TRIM55: variants seen among roughly 807,000 people sequenced by gnomAD.
TRIM55 encodes the protein tripartite motif containing 55.
In TRIM55, 50 loss-of-function variants were observed where a neutral mutation model predicts 60.9. That is an observed-to-expected ratio of 0.82 (90% CI 0.65 to 1.04). The LOEUF (loss-of-function observed/expected upper bound fraction) is 1.04. Among genes scored for constraint, TRIM55 ranks in the 50% least tolerant of loss-of-function variants. The pLI is 0.00. For missense variants in TRIM55, 681 were observed against 666.9 expected (o/e 1.02, Z -0.23); for synonymous variants, 237 against 238.1 (o/e 1.00, Z 0.04).
intron 2 of TRIM55, among the ~76,000 whole-genome samples, chr8:66,133,653 C>T (rs1156481239): frequency 1.3e-5 from 2 of 152,324 alleles, no homozygotes; most frequent in South Asian, 2.1e-4. Flanking sequence ...AATTTTCTTA[C>T]AAGACCCAGG....
chr8:66,132,629 G>A (rs1809229294), intron 2 of TRIM55, among the ~76,000 whole-genome samples: 1 of 152,144 alleles, frequency 6.6e-6, no homozygotes. Context: ...CCAACATTTA[G>A]CACTGGGCCC....
At chr8:66,155,343 G>A (rs961973303) in intron 9 of TRIM55, among the ~76,000 whole-genome samples, 2 of 152,202 alleles carry the variant, frequency 1.3e-5, no homozygotes, top group Admixed American at 6.5e-5. Flanking sequence ...TATTTTCACA[G>A]ATAAAATGAC....
At chr8:66,142,199 T>G (rs1809856342) in intron 4 of TRIM55, among the ~76,000 whole-genome samples, 1 of 152,230 alleles carries the variant, frequency 6.6e-6, no homozygotes, top group African/African-American at 2.4e-5. Context: ...AGCACACACT[T>G]ATTCTGATGA....
intron 9 of TRIM55, among the ~76,000 whole-genome samples, chr8:66,160,866 GTT>G (rs769044785): frequency 2.3e-5 from 3 of 132,028 alleles, no homozygotes; most frequent in Admixed American, 7.4e-5. Flanking sequence ...TGATGGGATT[GTT>G]TTTTTTTTTT....
intron 4 of TRIM55, among the ~76,000 whole-genome samples, chr8:66,143,555 A>G (rs1809941212): frequency 6.6e-6 from 1 of 151,684 alleles, no homozygotes; most frequent in Admixed American, 6.6e-5. Context: ...TTGCATAGCT[A>G]TATTTTACTG....
chr8:66,149,724 A>C lies in TRIM55; in HGVS notation c.683A>C (p.Glu228Ala). The change falls in exon 5 of 10, where the codon GAA (glutamate) becomes GCA (alanine). Residue 228 changes from glutamate to alanine, a missense_variant. By Grantham distance (107) the Glu-to-Ala change is moderately radical (BLOSUM62 -1). Transcript: ENST00000315962. ...LYGILEERKN[E>A]MTQVITRTQE... Reference sequence around the variant, plus strand: ...GGCATTTTGGAGGAGAGGAAGAATGAAATGACCCAAGTCATTACCCGAACC... The same window carrying C: ...GGCATTTTGGAGGAGAGGAAGAATGCAATGACCCAAGTCATTACCCGAACC... The C allele has an allele frequency of 6.2e-7, 1 of 1,614,136 alleles. No individual in the cohort carries two copies.
At position 66,152,439 on chromosome 8, in the gene TRIM55, G is replaced by A; in HGVS notation, c.1048G>A (p.Gly350Arg). 6.2e-7 allele frequency: 1 copy of A among 1,613,274 alleles called. No homozygotes were observed. Among genetic ancestry groups the A allele is most frequent in the Non-Finnish European group, 8.5e-7 (1 of 1,179,318 alleles). Residue 350 changes from glycine (G) to arginine (R), a missense_variant, in exon 8 of 10, where the codon GGA becomes AGA. Coordinates refer to ENST00000315962, the MANE Select transcript of TRIM55 (RefSeq NM_184085.2). ...AGAAAAAGAAGGAGAAGGAGAAGTG[G>A]GAGGAGAAGCAGTAGAAGTGGAAGA... ...EGEKEGEGEV[G>R]GEAVEVEEVE...
upstream of TRIM55, among the ~76,000 whole-genome samples, chr8:66,122,334 G>T (rs1169986314): frequency 1.3e-5 from 2 of 152,042 alleles, no homozygotes; most frequent in Admixed American, 1.3e-4. Context: ...ATCTACCTAG[G>T]ACCTGGAATC....
chr8:66,150,353 C>T lies in TRIM55; in HGVS notation c.872C>T (p.Ala291Val). Residue 291 changes from alanine to valine, a missense_variant, in exon 7 of 10, where the codon GCA (alanine) becomes GTA (valine). Physicochemically the swap from Ala to Val is moderately conservative, Grantham distance 64. Coordinates refer to ENST00000315962, the MANE Select transcript of TRIM55 (RefSeq NM_184085.2). ...AKTLLKKISE[A>V]SKAFQMEKIE... is the part of the protein sequence containing the mutation. Reference sequence around the variant, plus strand: ...TGTCTTTGTTGCAGAATCTCGGAAGCATCAAAGGCATTTCAGATGGAGAAA... The same window carrying T: ...TGTCTTTGTTGCAGAATCTCGGAAGTATCAAAGGCATTTCAGATGGAGAAA... 6.2e-7 allele frequency: 1 copy of T among 1,614,160 alleles called. No homozygotes were observed. Among genetic ancestry groups the T allele is most frequent in the Non-Finnish European group, 8.5e-7 (1 of 1,180,016 alleles).
chr8:66,142,225 A>G (rs1809857905), intron 4 of TRIM55, among the ~76,000 whole-genome samples: 1 of 152,228 alleles, frequency 6.6e-6, no homozygotes, highest in African/African-American at 2.4e-5. Flanking sequence ...TCCAATAGGA[A>G]CCTCTAGAGA....
chr8:66,125,621 A>G (rs1175889555), upstream of TRIM55, among the ~76,000 whole-genome samples: 5 of 152,356 alleles, frequency 3.3e-5, no homozygotes, highest in East Asian at 9.6e-4. Flanking sequence ...GGCTGGGTGA[A>G]CCAAAGTAAC....
At chr8:66,150,625 A>C (rs1446022163) in intron 7 of TRIM55, among the ~76,000 whole-genome samples, 159 bp downstream of exon 7, 1 of 151,818 alleles carries the variant, frequency 6.6e-6, no homozygotes, top group Admixed American at 6.6e-5. Flanking sequence ...TCATTACAGG[A>C]TCACATCGTT....
chr8:66,172,820 T>C (rs1811716922), intron 9 of TRIM55, among the ~76,000 whole-genome samples: 2 of 152,252 alleles, frequency 1.3e-5, no homozygotes, highest in African/African-American at 4.8e-5. Flanking sequence ...TGGACCTTGA[T>C]GGTCTGTTCA....
At chr8:66,147,309 G>C (rs530761635) in intron 4 of TRIM55, among the ~76,000 whole-genome samples, 5 of 152,284 alleles carry the variant, frequency 3.3e-5, no homozygotes, top group Admixed American at 2.6e-4. Context: ...GGCACCACTG[G>C]ATCTCCATGC....
At chr8:66,141,494 T>G (rs371229666) in intron 4 of TRIM55, among the ~76,000 whole-genome samples, 19 of 152,330 alleles carry the variant, frequency 1.2e-4, no homozygotes, top group Middle Eastern at 3.4e-3. Flanking sequence ...GGGGGCTGCC[T>G]GTAGGAATGG....
At chr8:66,161,551 A>T (rs1473676989) in intron 9 of TRIM55, among the ~76,000 whole-genome samples, 1 of 151,840 alleles carries the variant, frequency 6.6e-6, no homozygotes, top group Non-Finnish European at 1.5e-5. Flanking sequence ...TCTTTTTTCT[A>T]GTTCTATGAA....
chr8:66,172,184 G>T (rs1418576991), intron 9 of TRIM55, among the ~76,000 whole-genome samples: 2 of 152,172 alleles, frequency 1.3e-5, no homozygotes, highest in East Asian at 3.8e-4. Context: ...ACCTTGTAAG[G>T]TAGGTTCTCA....
intron 9 of TRIM55, among the ~76,000 whole-genome samples, chr8:66,159,267 C>T (rs1013516162): frequency 3.9e-5 from 6 of 152,194 alleles, no homozygotes; most frequent in Non-Finnish European, 8.8e-5. Context: ...TCCAAACTGT[C>T]TTGTGAATGA....
rs1811810704 is a variant in TRIM55 at position 66,174,436 on chromosome 8, CT to C, written c.1525-29del. 4 of 1,602,118 alleles carry C rather than the reference CT, an allele frequency of 2.5e-6. No homozygotes were observed. The East Asian group carries it at 9.2e-5, about 37-fold the overall frequency. Reference sequence around the variant, plus strand: ...GGACCAATCCAAAAAGAACAAACCTCTTTTTTCTCTGATTCCCATTTTCTTC... The same window carrying C: ...GGACCAATCCAAAAAGAACAAACCTCTTTTTCTCTGATTCCCATTTTCTTC... On this transcript the variant is annotated intron_variant, in intron 9 of 9. Coordinates refer to ENST00000315962, the MANE Select transcript of TRIM55 (RefSeq NM_184085.2).
Sources: allele counts gnomAD v4.1 joint callset (sites outside exome capture counted in the v4.1 genomes callset), GRCh38; gene constraint gnomAD v4.1.1; transcripts MANE v1.5; gene names NCBI Gene and HGNC (gene_info 2026-07-23, HGNC 2026-07-21).